The following LRP1B variants were observed in gnomAD, a reference collection of about 807,000 sequenced individuals.
LRP1B encodes low-density lipoprotein receptor-related protein 1B.
A neutral mutation model predicts 556.6 loss-of-function variants in LRP1B; 217 were observed. That is an observed-to-expected ratio of 0.39 (90% confidence interval 0.35 to 0.44). The LOEUF (loss-of-function observed/expected upper bound fraction) is 0.44. LRP1B is among the 20% of genes least tolerant of loss of function. The pLI, the probability that LRP1B is intolerant of heterozygous loss-of-function variation, is 1.00. For synonymous variants in LRP1B, 2,047 were observed against 1,865.8 expected, an observed-to-expected ratio of 1.10 and a Z score of -2.50; for missense variants, 5,053 against 5,620.8, an observed-to-expected ratio of 0.90 and a Z score of 3.23.
Position 141,663,643 on chromosome 2 carries a change from A to T in LRP1B, c.205+146636T>A, listed in dbSNP as rs566865918. 9.8e-5 allele frequency among the ~76,000 whole-genome samples: 15 copies of T among 152,296 alleles called. No individual in the cohort carries two copies. The South Asian group carries it at 2.5e-3, about 25-fold the overall frequency. ...CCCTCCCACGACAGAACCAGGAAGA[A>T]GTTGAATCCCTGAATAGATCAATTA... is the stretch of plus-strand genomic sequence containing the variant. On this transcript the variant is annotated intron_variant, in intron 2 of 90. Coordinates refer to ENST00000389484, the MANE Select transcript of LRP1B (RefSeq NM_018557.3).
chr2:140,388,779 G>C (rs544581706), intron 66 of LRP1B, among the ~76,000 whole-genome samples: 6 of 152,260 alleles, frequency 3.9e-5, no homozygotes, highest in Non-Finnish European at 7.4e-5. Context: ...TAAAACATCA[G>C]TTCTCAAATT....
At chr2:141,956,466 A>G (rs140539910) in intron 1 of LRP1B, among the ~76,000 whole-genome samples, 11 of 152,004 alleles carry the variant, frequency 7.2e-5, no homozygotes, top group Non-Finnish European at 1.5e-4. Context: ...AGTTTTTTAC[A>G]TATTCTGGAT....
Position 141,308,707 on chromosome 2 carries a change from G to A in LRP1B, c.344-54066C>T, listed in dbSNP as rs1031599067. On this transcript the variant is annotated intron_variant, in intron 3 of 90. Transcript: ENST00000389484. ...AGTGTACAGTTTTTAGATATGTAGA[G>A]TATCCTTCTATTTTCACACACAGCT... 4.6e-5 allele frequency among the ~76,000 whole-genome samples: 7 copies of A among 152,202 alleles called. 1 individual carries two copies. The highest frequency in any genetic ancestry group is 3.3e-4 in the Admixed American group (5 of 15,284).
At chr2:142,104,257 C>A (rs1485995078) in intron 1 of LRP1B, among the ~76,000 whole-genome samples, 4 of 152,114 alleles carry the variant, frequency 2.6e-5, no homozygotes, top group Non-Finnish European at 5.9e-5. Flanking sequence ...CTAATGCCAA[C>A]TCTAAATCCC....
At chr2:141,123,663 C>T (rs1701124312) in intron 7 of LRP1B, among the ~76,000 whole-genome samples, 1 of 152,016 alleles carries the variant, frequency 6.6e-6, no homozygotes, top group Non-Finnish European at 1.5e-5. Flanking sequence ...TTAAAACTAC[C>T]TTCTTCACAA....
chr2:141,473,446 G>A (rs540889337), intron 3 of LRP1B, among the ~76,000 whole-genome samples: 1 of 152,222 alleles, frequency 6.6e-6, no homozygotes, highest in South Asian at 2.1e-4. Context: ...CTTCTGGGAA[G>A]CTTTAAGCTT....
chr2:141,462,534 C>T (rs902046069), intron 3 of LRP1B, among the ~76,000 whole-genome samples: 7 of 152,082 alleles, frequency 4.6e-5, no homozygotes, highest in Non-Finnish European at 1.0e-4. Flanking sequence ...AGGACAAATA[C>T]CTAATGCATA....
intron 43 of LRP1B, among the ~76,000 whole-genome samples, chr2:140,595,104 A>ATATATATATATATC (rs1682384372): frequency 1.8e-5 from 1 of 57,138 alleles, no homozygotes. Context: ...ATATATATAT[A>ATATATATATATATC]TATATATATA....
intron 41 of LRP1B, among the ~76,000 whole-genome samples, chr2:140,662,764 G>T (rs1488379570): frequency 6.6e-6 from 1 of 152,026 alleles, no homozygotes; most frequent in African/African-American, 2.4e-5. Flanking sequence ...ATGAAACATT[G>T]CCTTAGGTCT....
rs1469474057 is a variant in LRP1B, at chr2:140,867,594, T to C, written c.4575A>G (p.Pro1525=). 6.2e-7 allele frequency: 1 copy of C among 1,612,382 alleles called. No homozygotes were observed. Among genetic ancestry groups the C allele is most frequent in the South Asian group, 1.1e-5 (1 of 90,922 alleles). The stretch of plus-strand genomic sequence containing the variant: ...CATAAGTGAACAAGCACTTACCCTG[T>C]GGCTGGCGACTGGGATGGTATATCT... ...DLQIYHPSRQ[P]QAPNPCAAND... is the part of the protein sequence containing the mutation. Residue 1525 remains proline, a synonymous_variant, in exon 27 of 91, where the codon CCA becomes CCG. Transcript: ENST00000389484.
At chr2:141,934,460 G>A (rs1700582157) in intron 1 of LRP1B, among the ~76,000 whole-genome samples, 1 of 152,144 alleles carries the variant, frequency 6.6e-6, no homozygotes, top group South Asian at 2.1e-4. Flanking sequence ...CCTTAGGCAT[G>A]TTAAACTGAA....
chr2:141,346,898 T>C (rs943018964), intron 3 of LRP1B, among the ~76,000 whole-genome samples: 1 of 152,184 alleles, frequency 6.6e-6, no homozygotes, highest in South Asian at 2.1e-4. Flanking sequence ...ATTCATTATC[T>C]AGTTCTCCAC....
intron 11 of LRP1B, among the ~76,000 whole-genome samples, chr2:141,021,043 CCTT>C (rs1445538384): frequency 5.9e-5 from 9 of 152,074 alleles, no homozygotes; most frequent in Middle Eastern, 3.4e-3. Flanking sequence ...GCTGTGAACT[CCTT>C]CTTTTCTCTC....
chr2:141,334,749 G>A (rs112447799), intron 3 of LRP1B, among the ~76,000 whole-genome samples: 1 of 151,986 alleles, frequency 6.6e-6, no homozygotes, highest in Admixed American at 6.6e-5. Context: ...ACAGGGTTTC[G>A]CCATATTAGC....
chr2:141,798,278 G>A (rs1209908600), intron 2 of LRP1B, among the ~76,000 whole-genome samples: 3 of 152,192 alleles, frequency 2.0e-5, no homozygotes, highest in Non-Finnish European at 4.4e-5. Context: ...GTGTATACAG[G>A]TGTTTATCAT....
chr2:141,149,754 G>T (rs992030265), intron 7 of LRP1B, among the ~76,000 whole-genome samples: 2 of 152,156 alleles, frequency 1.3e-5, no homozygotes, highest in Non-Finnish European at 2.9e-5. Context: ...GAAAGAACAG[G>T]TTCGCAGCAG....
At chr2:141,443,861 G>A (rs1162643398) in intron 3 of LRP1B, among the ~76,000 whole-genome samples, 3 of 152,228 alleles carry the variant, frequency 2.0e-5, no homozygotes, top group African/African-American at 7.2e-5. Context: ...GTCAGGTAAC[G>A]TGATGCCTCC....
At chr2:141,425,739 T>C (rs1185826620) in intron 3 of LRP1B, among the ~76,000 whole-genome samples, 1 of 152,124 alleles carries the variant, frequency 6.6e-6, no homozygotes. Flanking sequence ...TGTCTGTTCA[T>C]TTCCTTTGCC....
chr2:140,288,214 A>ATC (rs2104980729), intron 84 of LRP1B, among the ~76,000 whole-genome samples: 1 of 150,232 alleles, frequency 6.7e-6, no homozygotes, highest in East Asian at 2.0e-4. Context: ...TGCCATTCTT[A>ATC]TCTATAATAA....
Sources: gnomAD v4.1 joint callset for allele counts (sites outside exome capture counted in the v4.1 genomes callset) on GRCh38, gnomAD v4.1.1 for gene constraint, MANE v1.5 for transcripts, NCBI Gene and HGNC (gene_info 2026-07-23, HGNC 2026-07-21) for gene names.